Variants in DLG2 observed in about 807,000 individuals in gnomAD.
The protein encoded by DLG2 is discs large MAGUK scaffold protein 2, also known as disks large homolog 2.
In DLG2, 45 loss-of-function variants were observed where a neutral mutation model predicts 132.5. The observed-to-expected ratio is 0.34, with a 90% confidence interval of 0.27 to 0.44. DLG2 has a LOEUF of 0.44. Among genes scored for constraint, DLG2 ranks in the 20% least tolerant of loss-of-function variants. The pLI, the probability that DLG2 is intolerant of heterozygous loss-of-function variation, is 1.00. For synonymous variants in DLG2, 424 were observed against 419.6 expected (o/e 1.01, Z -0.13); for missense variants, 1,045 against 1,196.9 (o/e 0.87, Z 1.87).
intron 18 of DLG2, among the ~76,000 whole-genome samples, chr11:83,685,762 C>G (rs11827364): frequency 6.6e-6 from 1 of 152,020 alleles, no homozygotes; most frequent in Admixed American, 6.6e-5. Context: ...CACATCTAAG[C>G]ATCTCTACTT....
intron 6 of DLG2, among the ~76,000 whole-genome samples, chr11:84,713,299 C>A (rs58953894): frequency 0.016 from 2,454 of 152,172 alleles, 67 homozygotes; most frequent in African/African-American, 0.055. Context: ...ACCTGCACCC[C>A]AATTTCTCTA....
At chr11:83,652,533 G>A (rs2070900451) in intron 18 of DLG2, among the ~76,000 whole-genome samples, 1 of 152,098 alleles carries the variant, frequency 6.6e-6, no homozygotes, top group African/African-American at 2.4e-5. Context: ...ACCACACCTG[G>A]CTAATTTTTG....
intron 9 of DLG2, among the ~76,000 whole-genome samples, chr11:84,152,622 G>A (rs755160679): frequency 1.1e-4 from 16 of 151,930 alleles, no homozygotes; most frequent in Non-Finnish European, 1.3e-4. Context: ...TCCTGACCTC[G>A]TGATCTGCCT....
At chr11:84,287,319 G>A (rs1057385115) in intron 7 of DLG2, among the ~76,000 whole-genome samples, 12 of 151,958 alleles carry the variant, frequency 7.9e-5, no homozygotes, top group African/African-American at 1.9e-4. Flanking sequence ...CTAGGAGGTC[G>A]GGATGGTTAT....
chr11:83,743,429 A>ACTTTTTTT (rs2092677296), intron 18 of DLG2, among the ~76,000 whole-genome samples: 1 of 103,836 alleles, frequency 9.6e-6, no homozygotes, highest in Non-Finnish European at 1.7e-5. Context: ...TGGGCAGGCC[A>ACTTTTTTT]TTTTTTTTTT....
At chr11:85,417,209 T>A (rs1366572046) in intron 3 of DLG2, among the ~76,000 whole-genome samples, 1 of 152,132 alleles carries the variant, frequency 6.6e-6, no homozygotes, top group East Asian at 1.9e-4. Flanking sequence ...AATCATGTGG[T>A]TTTTGTCTTT....
chr11:85,437,623 T>G (rs1434178948), intron 3 of DLG2, among the ~76,000 whole-genome samples: 2 of 152,174 alleles, frequency 1.3e-5, no homozygotes, highest in Non-Finnish European at 2.9e-5. Context: ...TATTCAATTA[T>G]TGAGTTATTA....
At chr11:84,522,188 A>C (rs2099304646) in intron 7 of DLG2, among the ~76,000 whole-genome samples, 1 of 152,064 alleles carries the variant, frequency 6.6e-6, no homozygotes. Flanking sequence ...AAACAAAAAA[A>C]AAAAAAGAAA....
chr11:84,733,689 G>A (rs1206328350), intron 6 of DLG2, among the ~76,000 whole-genome samples: 2 of 152,124 alleles, frequency 1.3e-5, no homozygotes, highest in African/African-American at 4.8e-5. Flanking sequence ...TGTTTTTGGT[G>A]TTATAGACAT....
intron 11 of DLG2, among the ~76,000 whole-genome samples, chr11:84,034,468 T>C (rs528245700): frequency 5.8e-4 from 88 of 152,290 alleles, no homozygotes; most frequent in African/African-American, 2.0e-3. Flanking sequence ...GAGGTATGCA[T>C]ATATAAATTT....
At position 85,296,476 on chromosome 11, in the gene DLG2, T is replaced by C. The variant is rs1053968114; in HGVS notation, c.41-11111A>G. On this transcript the variant is annotated intron_variant, in intron 3 of 27. Transcript: ENST00000376104. ...GTTTTGTTTCGATTTTCTTTTTTTT[T>C]TTTTTTTTTCACTTAGTTCTTTCTT... 1.3e-3 allele frequency among the ~76,000 whole-genome samples: 198 copies of C among 151,136 alleles called. 2 individuals carry two copies. The highest frequency in any genetic ancestry group is 4.6e-3 in the African/African-American group (191 of 41,418).
intron 4 of DLG2, among the ~76,000 whole-genome samples, chr11:85,234,454 C>G (rs1419808671): frequency 2.6e-5 from 4 of 151,922 alleles, no homozygotes; most frequent in East Asian, 3.9e-4. Flanking sequence ...AAATCCAGGT[C>G]ATGCAAACTA....
intron 19 of DLG2, among the ~76,000 whole-genome samples, chr11:83,578,838 A>G (rs1279993709): frequency 6.6e-6 from 1 of 152,246 alleles, no homozygotes; most frequent in East Asian, 1.9e-4. Context: ...TGAAACATTT[A>G]CCAACAAAGA....
At chr11:83,937,094 G>C (rs747780718) in intron 14 of DLG2, among the ~76,000 whole-genome samples, 1 of 152,116 alleles carries the variant, frequency 6.6e-6, no homozygotes, top group Non-Finnish European at 1.5e-5. Flanking sequence ...TGAACTCATA[G>C]GATAAATATA....
intron 5 of DLG2, among the ~76,000 whole-genome samples, chr11:85,136,275 A>G (rs2076139752): frequency 6.6e-6 from 1 of 152,208 alleles, no homozygotes; most frequent in Non-Finnish European, 1.5e-5. Context: ...ATTCGCCTCA[A>G]GTGATTAACT....
intron 6 of DLG2, among the ~76,000 whole-genome samples, chr11:84,596,332 T>A (rs1383179434): frequency 6.6e-6 from 1 of 151,242 alleles, no homozygotes; most frequent in African/African-American, 2.4e-5. Flanking sequence ...CTCAGCCTCC[T>A]AAGTAGTTGG....
chr11:84,393,434 T>A (rs1200188343), intron 7 of DLG2, among the ~76,000 whole-genome samples: 2 of 152,146 alleles, frequency 1.3e-5, no homozygotes, highest in Non-Finnish European at 2.9e-5. Context: ...TTTGTAATAG[T>A]TATGTTCTTG....
chr11:84,450,334 T>C (rs984429754), intron 7 of DLG2, among the ~76,000 whole-genome samples: 4 of 151,380 alleles, frequency 2.6e-5, no homozygotes, highest in Non-Finnish European at 5.9e-5. Context: ...ATGAGTTGGA[T>C]TGGTGAAGAC....
intron 6 of DLG2, among the ~76,000 whole-genome samples, chr11:84,920,677 T>C: frequency 6.7e-6 from 1 of 150,124 alleles, no homozygotes. Flanking sequence ...AATGAATAAA[T>C]GGTGACCCAG....
Sources: gnomAD v4.1 joint callset for allele counts (sites outside exome capture counted in the v4.1 genomes callset) on GRCh38, gnomAD v4.1.1 for gene constraint, MANE v1.5 for transcripts, NCBI Gene and HGNC (gene_info 2026-07-23, HGNC 2026-07-21) for gene names.